KHDRBS2: variants seen among roughly 807,000 people sequenced by gnomAD.
The protein encoded by KHDRBS2 is KH RNA binding domain containing, signal transduction associated 2, also known as KH domain-containing, RNA-binding, signal transduction-associated protein 2.
Under a neutral mutation model 44.3 loss-of-function variants are expected in KHDRBS2, and 26 were observed. That is an observed-to-expected ratio of 0.59 (90% CI 0.43 to 0.81). The LOEUF is 0.81. Ranked by LOEUF, KHDRBS2 falls within the 40% of genes least tolerant of loss-of-function variation. The probability of loss-of-function intolerance (pLI) is 0.00; values close to 1 mark genes in which losing one functional copy is unlikely to be tolerated. For synonymous variants in KHDRBS2, 194 were observed against 151.1 expected, an observed-to-expected ratio of 1.28 and a Z score of -2.08; for missense variants, 476 against 433.1, an observed-to-expected ratio of 1.10 and a Z score of -0.88.
chr6:61,604,866 A>G, the KHDRBS2 span, among the ~76,000 whole-genome samples: 1 of 152,146 alleles, frequency 6.6e-6, no homozygotes, highest in Non-Finnish European at 1.5e-5. Flanking sequence ...CTTCTGTAAG[A>G]CATAATTCCT....
chr6:61,755,668 G>A lies in KHDRBS2; in HGVS notation c.811-22904C>T, dbSNP rs1052866445. 2.6e-5 allele frequency among the ~76,000 whole-genome samples: 4 copies of A among 151,872 alleles called. No homozygotes were observed. In the East Asian group the frequency reaches 5.8e-4, roughly 22 times the overall value. ...CTACTAAAGATACAAAAAATTAGCCGGGTGTGGTGGTGTGTGCCTGTAATC... is the reference window on the plus strand; with the variant it reads ...CTACTAAAGATACAAAAAATTAGCCAGGTGTGGTGGTGTGTGCCTGTAATC... On this transcript the variant is annotated intron_variant, in intron 6 of 8. Transcript: ENST00000281156.
chr6:61,761,614 T>C (rs1439548280), intron 6 of KHDRBS2, among the ~76,000 whole-genome samples: 2 of 152,208 alleles, frequency 1.3e-5, no homozygotes, highest in African/African-American at 2.4e-5. Flanking sequence ...TCTTTAAACC[T>C]ACTAATGGAA....
chr6:61,722,325 C>T (rs1353336190), intron 7 of KHDRBS2, among the ~76,000 whole-genome samples: 4 of 152,070 alleles, frequency 2.6e-5, no homozygotes, highest in African/African-American at 9.7e-5. Flanking sequence ...TGAAATTTTC[C>T]TGAACTAGCA....
rs549280357 is a variant in KHDRBS2 at position 62,058,353 on chromosome 6, C to A, written c.220-10359G>T. On this transcript the variant is annotated intron_variant, in intron 2 of 8. Transcript: ENST00000281156. ...CGTTGATACTCAAATTCCTTTTGTC[C>A]TAACAATTGAAAATATTGGAATGTT... Among the ~76,000 whole-genome samples the A allele has an allele frequency of 1.8e-3, 275 of 151,926 alleles. 10 individuals carry two copies. In the South Asian group the frequency reaches 0.052, roughly 29 times the overall value.
At chr6:61,806,396 G>A (rs1787169529) in intron 6 of KHDRBS2, among the ~76,000 whole-genome samples, 1 of 152,140 alleles carries the variant, frequency 6.6e-6, no homozygotes. Flanking sequence ...AAAATGGAGA[G>A]ATGCCCAGGA....
chr6:61,804,082 C>A (rs1452770026), intron 6 of KHDRBS2, among the ~76,000 whole-genome samples: 1 of 152,056 alleles, frequency 6.6e-6, no homozygotes, highest in African/African-American at 2.4e-5. Flanking sequence ...ACCCAAAAGT[C>A]CAAGTCCATA....
chr6:61,915,657 G>C (rs761516363), intron 4 of KHDRBS2, among the ~76,000 whole-genome samples: 1 of 151,988 alleles, frequency 6.6e-6, no homozygotes, highest in Non-Finnish European at 1.5e-5. Flanking sequence ...TGCAAAGTCA[G>C]TGAGGGAAAC....
chr6:61,991,732 T>C (rs1776169771), intron 3 of KHDRBS2, among the ~76,000 whole-genome samples: 1 of 152,162 alleles, frequency 6.6e-6, no homozygotes, highest in South Asian at 2.1e-4. Context: ...GGAGGACATC[T>C]TGTTTGTGGA....
chr6:62,250,385 T>C (rs535076418), intron 1 of KHDRBS2, among the ~76,000 whole-genome samples: 1 of 152,238 alleles, frequency 6.6e-6, no homozygotes, highest in African/African-American at 2.4e-5. Context: ...CTAATAAAAC[T>C]GTTTCTATCC....
chr6:61,675,897 G>A (rs373744400), downstream of KHDRBS2, among the ~76,000 whole-genome samples: 27 of 151,716 alleles, frequency 1.8e-4, no homozygotes, highest in African/African-American at 4.8e-4. Context: ...CATAGACCAC[G>A]CATACAGATA....
intron 4 of KHDRBS2, among the ~76,000 whole-genome samples, chr6:61,955,620 A>T (rs1405286154): frequency 1.6e-5 from 1 of 61,026 alleles, no homozygotes; most frequent in African/African-American, 1.8e-4. Flanking sequence ...GTATGTATGT[A>T]TGCATACATG....
the KHDRBS2 span, among the ~76,000 whole-genome samples, chr6:61,594,838 G>A: frequency 6.6e-6 from 1 of 152,082 alleles, no homozygotes; most frequent in South Asian, 2.1e-4. Flanking sequence ...TTGATTTTGA[G>A]AAGCCTGTCA....
intron 2 of KHDRBS2, among the ~76,000 whole-genome samples, chr6:62,100,874 C>T (rs3842921): frequency 0.61 from 92,889 of 151,888 alleles, 28,592 homozygotes; most frequent in Non-Finnish European, 0.62. Context: ...CTGAGGTATG[C>T]CTATACTTGC....
At chr6:61,809,301 A>C (rs1414355323) in intron 6 of KHDRBS2, among the ~76,000 whole-genome samples, 1 of 152,170 alleles carries the variant, frequency 6.6e-6, no homozygotes, top group Non-Finnish European at 1.5e-5. Flanking sequence ...AGGCAATGGC[A>C]ATAGAAGAAA....
At chr6:61,720,152 C>T (rs1474613736) in intron 7 of KHDRBS2, among the ~76,000 whole-genome samples, 1 of 152,090 alleles carries the variant, frequency 6.6e-6, no homozygotes, top group East Asian at 1.9e-4. Context: ...GTATATGTGC[C>T]ACGTTTTCTT....
chr6:61,659,822 G>A, the KHDRBS2 span, among the ~76,000 whole-genome samples: 5 of 151,784 alleles, frequency 3.3e-5, no homozygotes, highest in East Asian at 3.9e-4. Flanking sequence ...TCAGACCTTC[G>A]TCTGGATTAA....
rs552300663 is a variant in KHDRBS2 at position 62,113,764 on chromosome 6, A to C, written c.219+63421T>G. ...GTGAGAGACTTGACAAAATATATTT[A>C]CTAACAGGGAATTTACAAATCTCAA... is the stretch of plus-strand genomic sequence containing the variant. On this transcript the variant is annotated intron_variant, in intron 2 of 8. Coordinates refer to ENST00000281156, the MANE Select transcript of KHDRBS2 (RefSeq NM_152688.4). Among the ~76,000 whole-genome samples, 3 of 152,282 alleles carry C rather than the reference A, an allele frequency of 2.0e-5. No individual in the cohort carries two copies. The South Asian group carries it at 6.2e-4, about 32-fold the overall frequency.
At chr6:61,755,559 C>A (rs975799293) in intron 6 of KHDRBS2, among the ~76,000 whole-genome samples, 1 of 151,918 alleles carries the variant, frequency 6.6e-6, no homozygotes, top group East Asian at 1.9e-4. Flanking sequence ...TGTCTATAAT[C>A]CCAGCACTTT....
chr6:61,726,477 C>A (rs1264524175), intron 7 of KHDRBS2, among the ~76,000 whole-genome samples: 1 of 152,082 alleles, frequency 6.6e-6, no homozygotes, highest in Non-Finnish European at 1.5e-5. Context: ...GAGAAGAAGT[C>A]GAACTCTCTT....
Sources: allele counts gnomAD v4.1 joint callset (sites outside exome capture counted in the v4.1 genomes callset), GRCh38; gene constraint gnomAD v4.1.1; transcripts MANE v1.5; gene names NCBI Gene and HGNC (gene_info 2026-07-23, HGNC 2026-07-21).